The following COQ8B variants were observed in gnomAD, a reference collection of about 807,000 sequenced individuals.
COQ8B encodes the protein atypical kinase COQ8B, mitochondrial.
COQ8B carries 44 observed loss-of-function variants against 62.0 expected under a neutral mutation model. The ratio of observed to expected loss-of-function variants is 0.71; its 90% CI spans 0.56 to 0.91. The LOEUF (loss-of-function observed/expected upper bound fraction) is 0.91, where lower values mean the gene tolerates loss of function less well. Among genes scored for constraint, COQ8B ranks in the 40% least tolerant of loss-of-function variants. The pLI, the probability that COQ8B is intolerant of heterozygous loss-of-function variation, is 0.00. For synonymous variants in COQ8B, 252 were observed against 289.9 expected, an observed-to-expected ratio of 0.87 and a Z score of 1.33; for missense variants, 649 against 731.6, an observed-to-expected ratio of 0.89 and a Z score of 1.30.
chr19:40,702,519 C>G, intron 10 of COQ8B, 81 bp downstream of exon 10: 1 of 1,333,668 alleles, frequency 7.5e-7, no homozygotes, highest in Non-Finnish European at 1.1e-6. Context: ...ACAGCTCCAG[C>G]TGCCAGAAGC....
At chr19:40,699,202 G>A (rs1045091279) in intron 12 of COQ8B, among the ~76,000 whole-genome samples, 1 of 151,080 alleles carries the variant, frequency 6.6e-6, no homozygotes, top group Non-Finnish European at 1.5e-5. Context: ...ATCTTGGTTC[G>A]CTGCAGCCTC....
chr19:40,710,513 G>A (rs1336183280), intron 4 of COQ8B, among the ~76,000 whole-genome samples: 2 of 152,160 alleles, frequency 1.3e-5, no homozygotes, highest in Non-Finnish European at 2.9e-5. Flanking sequence ...GCCTCCCAAA[G>A]TGCTGGGATT....
At chr19:40,704,766 C>G (rs1237798042) in intron 7 of COQ8B, 1 of 223,286 alleles carries the variant, frequency 4.5e-6, no homozygotes, top group African/African-American at 2.3e-5. Context: ...GTAATAATCA[C>G]AGCTAACACC....
At position 40,716,857 on chromosome 19, in the gene COQ8B, C is replaced by T. The variant is rs544223171; in HGVS notation, c.-274G>A. The T allele has an allele frequency of 9.2e-6, 2 of 216,710 alleles. No homozygotes were observed. Among genetic ancestry groups the T allele is most frequent in the Non-Finnish European group, 1.8e-5 (2 of 109,996 alleles). The allele number at this position is 216,710 out of a possible 1,614,324, so 13.4% of individuals were successfully genotyped here. ...CACCAGGACCCCGGTGCCCTAGATG[C>T]ATACCTGGCCGCGCTTCGGATGCTC... On this transcript the variant is annotated 5_prime_UTR_variant, in exon 1 of 15. An upstream start codon of the reference 5' UTR is lost. Transcript: ENST00000324464.
At chr19:40,700,488 C>A in intron 10 of COQ8B, 37 bp from the exon 11 acceptor site, 1 of 1,600,958 alleles carries the variant, frequency 6.2e-7, no homozygotes, top group Non-Finnish European at 8.5e-7. Context: ...GGACTTCGTG[C>A]TTCAGGCTTG....
chr19:40,703,748 C>G lies in COQ8B; in HGVS notation c.684G>C (p.Leu228=). ...ASIGQVHQGL[L]RDGTEVAVKI... ...TCACGGCCACCTCCGTCCCGTCCCT[C>G]AGCAGGCCCTGGTGCACCTGCCCAA... Residue 228 remains leucine (L), a synonymous_variant, in exon 8 of 15, where the codon CTG becomes CTC. Transcript: ENST00000324464. 1 of 1,614,110 alleles carries G rather than the reference C, an allele frequency of 6.2e-7. No homozygotes were observed. The highest frequency in any genetic ancestry group is 8.5e-7 in the Non-Finnish European group (1 of 1,180,022).
rs57781535 is a variant in COQ8B, at chr19:40,715,845, CTGTG to C, written c.-4+738_-4+741del. The C allele has an allele frequency of 6.3e-3, 945 of 149,354 alleles. 11 individuals are homozygous for C. Among genetic ancestry groups the C allele is most frequent in the African/African-American group, 0.021 (857 of 40,208 alleles). The allele number at this position is 149,354 out of a possible 1,614,324, so 9.3% of individuals were successfully genotyped here. A position where few individuals can be genotyped will look rare whatever the true frequency, so the allele number is the denominator to read the frequency against. The stretch of plus-strand genomic sequence containing the variant: ...CACCTCCCATCCTATCTTTCTTTCT[CTGTG>C]TGTGTGTGTGTGTGTGTGTGTGCGC... On this transcript the variant is annotated intron_variant, in intron 1 of 14. Transcript: ENST00000324464.
At chr19:40,707,269 A>G (rs141384358) in intron 5 of COQ8B, among the ~76,000 whole-genome samples, 1 of 151,708 alleles carries the variant, frequency 6.6e-6, no homozygotes, top group East Asian at 1.9e-4. Flanking sequence ...ACCTTGTCTC[A>G]AAAAAAGAAA....
chr19:40,702,732 C>T (rs751938624), intron 9 of COQ8B, 39 bp from the exon 10 acceptor site: 25 of 1,588,902 alleles, frequency 1.6e-5, no homozygotes, highest in South Asian at 4.4e-5. Flanking sequence ...GGGCCCCGAG[C>T]GCCCACTGGT....
chr19:40,694,109 C>T (rs1361268013), intron 13 of COQ8B, among the ~76,000 whole-genome samples: 2 of 152,148 alleles, frequency 1.3e-5, no homozygotes, highest in Admixed American at 6.5e-5. Context: ...GCAGAGAGGG[C>T]CCCAAGGGGC....
intron 1 of COQ8B, chr19:40,715,406 T>C: frequency 2.0e-6 from 2 of 985,718 alleles, no homozygotes; most frequent in South Asian, 9.4e-5. Flanking sequence ...GACGCCTCTC[T>C]TCTGCACGAA....
chr19:40,697,847 T>TAGAGAG lies in COQ8B; in HGVS notation c.1144-1794_1144-1793insCTCTCT, dbSNP rs1349238558. On this transcript the variant is annotated intron_variant, in intron 12 of 14. Transcript: ENST00000324464. ...TTATATATATATATATATATATATA[T>TAGAGAG]ATATAGAGAGAGAGAGAGAGAGAGA... Among the ~76,000 whole-genome samples the TAGAGAG allele has an allele frequency of 4.4e-3, 249 of 56,842 alleles. 1 individual carries two copies. The highest frequency in any genetic ancestry group is 9.6e-3 in the Middle Eastern group (1 of 104). 37.3% of individuals were successfully genotyped at this position (56,842 alleles called of 152,430 possible). A position where few individuals can be genotyped will look rare whatever the true frequency, so the allele number is the denominator to read the frequency against.
chr19:40,707,141 T>A (rs1224279805), intron 5 of COQ8B, among the ~76,000 whole-genome samples: 1 of 151,956 alleles, frequency 6.6e-6, no homozygotes, highest in Non-Finnish European at 1.5e-5. Context: ...TGGTGGTGCA[T>A]GCCTATAGTC....
intron 14 of COQ8B, 108 bp from the exon 15 acceptor site, chr19:40,692,481 A>G: frequency 4.1e-6 from 4 of 976,306 alleles, no homozygotes; most frequent in Non-Finnish European, 6.0e-6. Context: ...CTCCACCATC[A>G]ACACAAGCCC....
chr19:40,693,402 ATC>A (rs1461340154), intron 13 of COQ8B, among the ~76,000 whole-genome samples: 2 of 152,212 alleles, frequency 1.3e-5, no homozygotes, highest in Non-Finnish European at 2.9e-5. Flanking sequence ...GCCAGGGGCC[ATC>A]TCTCTGTCTC....
intron 1 of COQ8B, chr19:40,714,974 T>G (rs548604052): frequency 1.7e-5 from 18 of 1,039,902 alleles, no homozygotes; most frequent in Non-Finnish European, 1.7e-5. Flanking sequence ...GTTGGCCCTG[T>G]AGGCACCCGC....
chr19:40,704,136 C>A, intron 7 of COQ8B: 2 of 325,696 alleles, frequency 6.1e-6, no homozygotes, highest in Non-Finnish European at 5.6e-6. Context: ...ATAGTTAAGA[C>A]TCATAACAAT....
chr19:40,715,606 CCG>C, intron 1 of COQ8B: 1 of 985,544 alleles, frequency 1.0e-6, no homozygotes, highest in Non-Finnish European at 1.2e-6. Flanking sequence ...CAACTGTTTC[CCG>C]CTCACGCCTT....
At chr19:40,693,109 A>G in intron 13 of COQ8B, 72 bp from the exon 14 acceptor site, 1 of 1,347,106 alleles carries the variant, frequency 7.4e-7, no homozygotes, top group Non-Finnish European at 1.1e-6. Flanking sequence ...AGGAGCTGGA[A>G]GCCTGGGCCT....
Sources: allele counts gnomAD v4.1 joint callset (sites outside exome capture counted in the v4.1 genomes callset), GRCh38; gene constraint gnomAD v4.1.1; transcripts MANE v1.5; gene names NCBI Gene and HGNC (gene_info 2026-07-23, HGNC 2026-07-21).